IRGC: variants seen among roughly 807,000 people sequenced by gnomAD.
The protein encoded by IRGC is immunity related GTPase cinema.
A neutral mutation model predicts 16.1 loss-of-function variants in IRGC; 4 were observed. The ratio of observed to expected loss-of-function variants is 0.25; its 90% CI spans 0.12 to 0.57. The LOEUF (loss-of-function observed/expected upper bound fraction) is 0.57, where lower values mean the gene tolerates loss of function less well. Ranked by LOEUF, IRGC falls within the 20% of genes least tolerant of loss-of-function variation. The pLI, the probability that IRGC is intolerant of heterozygous loss-of-function variation, is 0.92. For missense variants in IRGC, 570 were observed against 643.9 expected (o/e 0.89, Z 1.24); for synonymous variants, 307 against 299.5 (o/e 1.03, Z -0.26).
At chr19:43,718,412 C>A in intron 1 of IRGC, 81 bp from the exon 2 acceptor site, 2 of 1,414,774 alleles carry the variant, frequency 1.4e-6, no homozygotes, top group Non-Finnish European at 1.8e-6. Context: ...CAGGGCGACT[C>A]CCTTCACATC....
Position 43,719,025 on chromosome 19 carries a change from T to A in IRGC, c.467T>A (p.Ile156Asn), listed in dbSNP as rs1190858297. 6.2e-7 allele frequency: 1 copy of A among 1,612,834 alleles called. No homozygotes were observed. The highest frequency in any genetic ancestry group is 2.2e-5 in the East Asian group (1 of 44,870). The change falls in exon 2 of 2, where the codon ATC (isoleucine) becomes AAC (asparagine). Residue 156 changes from isoleucine to asparagine, a missense_variant. Physicochemically the swap from Ile to Asn is moderately radical, Grantham distance 149. Transcript: ENST00000244314. ...GAVETRLAAE[I>N]LCQGKKFYFV... is the part of the protein sequence containing the mutation. ...GTCGAGACCCGCCTGGCCGCTGAGA[T>A]CCTGTGCCAGGGCAAGAAGTTCTAC... is the stretch of plus-strand genomic sequence containing the variant.
At position 43,719,095 on chromosome 19, in the gene IRGC, C is replaced by A; in HGVS notation, c.537C>A (p.Thr179=). Residue 179 remains threonine, a synonymous_variant, in exon 2 of 2, where the codon ACC becomes ACA. Coordinates refer to ENST00000244314, the MANE Select transcript of IRGC (RefSeq NM_019612.4). Reference sequence around the variant, plus strand: ...ACGAGGACCTGGCGGCCACGCGCACCCAGCGGCCGTCGGGCTTCAGAGAGG... The same window carrying A: ...ACGAGGACCTGGCGGCCACGCGCACACAGCGGCCGTCGGGCTTCAGAGAGG... The part of the protein sequence containing the change: ...KVDEDLAATR[T]QRPSGFREAA... 6.2e-7 allele frequency: 1 copy of A among 1,609,784 alleles called. No homozygotes were observed. The highest frequency in any genetic ancestry group is 1.1e-5 in the South Asian group (1 of 90,844).
In IRGC at chr19:43,719,103, C is replaced by A; in HGVS notation, c.545C>A (p.Pro182Gln). ...EDLAATRTQR[P>Q]SGFREAAVLQ... ...CTGGCGGCCACGCGCACCCAGCGGC[C>A]GTCGGGCTTCAGAGAGGCCGCTGTC... The change falls in exon 2 of 2, where the codon CCG (proline) becomes CAG (glutamine). Residue 182 changes from proline (P) to glutamine (Q), a missense_variant. Coordinates refer to ENST00000244314, the MANE Select transcript of IRGC (RefSeq NM_019612.4). 1.2e-6 allele frequency: 2 copies of A among 1,609,636 alleles called. No individual in the cohort carries two copies. Among genetic ancestry groups the A allele is most frequent in the Non-Finnish European group, 1.7e-6 (2 of 1,177,918 alleles).
chr19:43,718,022 T>C (rs1600175920), intron 1 of IRGC, among the ~76,000 whole-genome samples: 1 of 152,186 alleles, frequency 6.6e-6, no homozygotes, highest in Non-Finnish European at 1.5e-5. Flanking sequence ...TGAGCCATGA[T>C]CGTAGCACTG....
intron 1 of IRGC, among the ~76,000 whole-genome samples, chr19:43,718,070 C>CA (rs1374285267): frequency 1.3e-5 from 2 of 151,174 alleles, no homozygotes; most frequent in Non-Finnish European, 1.5e-5. Context: ...CTGTCTCAAA[C>CA]AAACAAACAA....
Position 43,719,641 on chromosome 19 carries a change from T to C in IRGC, c.1083T>C (p.Phe361=). Residue 361 remains phenylalanine, a synonymous_variant, in exon 2 of 2, where the codon TTT becomes TTC. Transcript: ENST00000244314. The part of the protein sequence containing the change: ...SDGAMRVARA[F]ERGIPVFGTL... ...GCGCCATGCGGGTGGCCCGCGCCTTTGAGAGGGGCATCCCTGTGTTTGGGA... is the reference window on the plus strand; with the variant it reads ...GCGCCATGCGGGTGGCCCGCGCCTTCGAGAGGGGCATCCCTGTGTTTGGGA... 6.2e-7 allele frequency: 1 copy of C among 1,607,114 alleles called. No individual in the cohort carries two copies.
chr19:43,717,802 G>C (rs1188368358), intron 1 of IRGC, among the ~76,000 whole-genome samples: 5 of 152,224 alleles, frequency 3.3e-5, no homozygotes, highest in African/African-American at 1.2e-4. Context: ...AGGCATAGTG[G>C]CTCATGCCCT....
chr19:43,717,719 T>C (rs1968192045), intron 1 of IRGC, among the ~76,000 whole-genome samples: 1 of 152,234 alleles, frequency 6.6e-6, no homozygotes. Flanking sequence ...GCCCTGGCTA[T>C]ATAATTTGCA....
rs567529535 is a variant in IRGC, at chr19:43,718,692, A to T, written c.134A>T (p.Glu45Val). Reference sequence around the variant, plus strand: ...CCCCAGGCCGCCTCTCACCTCCAGGAGCTGCTGGCCTCCACGGAAAGCATC... The same window carrying T: ...CCCCAGGCCGCCTCTCACCTCCAGGTGCTGCTGGCCTCCACGGAAAGCATC... ...DLPQAASHLQELLASTESIRL... is the reference protein window; with the variant it reads ...DLPQAASHLQVLLASTESIRL... Residue 45 changes from glutamate to valine, a missense_variant, in exon 2 of 2, where the codon GAG becomes GTG. Physicochemically the swap from Glu to Val is moderately radical, Grantham distance 121. Transcript: ENST00000244314. 1 of 1,613,574 alleles carries T rather than the reference A, an allele frequency of 6.2e-7. No homozygotes were observed. Among genetic ancestry groups the T allele is most frequent in the African/African-American group, 1.3e-5 (1 of 75,058 alleles).
Position 43,719,992 on chromosome 19 carries a change from C to A in IRGC, c.*42C>A. 1 of 1,600,904 alleles carries A rather than the reference C, an allele frequency of 6.2e-7. No homozygotes were observed. Among genetic ancestry groups the A allele is most frequent in the Non-Finnish European group, 8.5e-7 (1 of 1,174,206 alleles). ...CCCCTGCCTCACCCACAAACTAAGT[C>A]TTAACAAAATCCAAATTACCAACAA... On this transcript the variant is annotated 3_prime_UTR_variant, in exon 2 of 2. Transcript: ENST00000244314.
rs76105613 is a variant in IRGC, at chr19:43,719,843, G to A, written c.1285G>A (p.Gly429Arg). ...SDNGVEKGGSGEGGGEEAPLS... is the reference protein window; with the variant it reads ...SDNGVEKGGSREGGGEEAPLS... ...CAATGGCGTGGAAAAGGGGGGCTCC[G>A]GGGAGGGAGGTGGGGAGGAAGCCCC... Residue 429 changes from glycine (G) to arginine (R), a missense_variant, in exon 2 of 2, where the codon GGG becomes AGG. Coordinates refer to ENST00000244314, the MANE Select transcript of IRGC (RefSeq NM_019612.4). 507 of 1,614,036 alleles carry A rather than the reference G, an allele frequency of 3.1e-4. No homozygotes were observed. Among genetic ancestry groups the A allele is most frequent in the Non-Finnish European group, 3.9e-4 (466 of 1,180,010 alleles).
At position 43,719,434 on chromosome 19, in the gene IRGC, G is replaced by A. The variant is rs549975409; in HGVS notation, c.876G>A (p.Ala292=). 12 of 1,603,680 alleles carry A rather than the reference G, an allele frequency of 7.5e-6. No individual in the cohort carries two copies. The highest frequency in any genetic ancestry group is 1.0e-5 in the Non-Finnish European group (12 of 1,174,568). ...GGCTGGCGGCCGCCTACGATGATGC[G>A]TTGCTCATCCACTCACTGCGTGGCT... The part of the protein sequence containing the change: ...VPGLAAAYDD[A]LLIHSLRGYH... The change falls in exon 2 of 2, where the codon GCG becomes GCA. Residue 292 remains alanine (A), a synonymous_variant. Transcript: ENST00000244314.
rs1301309735 is a variant in IRGC, at chr19:43,719,877, C to T, written c.1319C>T (p.Thr440Ile). Reference sequence around the variant, plus strand: ...GGTGGGGAGGAAGCCCCACTCTCAACCTGCAGGAAGCTCGGCCTCCTTCTT... The same window carrying T: ...GGTGGGGAGGAAGCCCCACTCTCAATCTGCAGGAAGCTCGGCCTCCTTCTT... ...EGGGEEAPLS[T>I]CRKLGLLLKY... The change falls in exon 2 of 2, where the codon ACC becomes ATC. Residue 440 changes from threonine (T) to isoleucine (I), a missense_variant. Coordinates refer to ENST00000244314, the MANE Select transcript of IRGC (RefSeq NM_019612.4). 10 of 1,613,966 alleles carry T rather than the reference C, an allele frequency of 6.2e-6. No homozygotes were observed. Among genetic ancestry groups the T allele is most frequent in the Non-Finnish European group, 8.5e-6 (10 of 1,180,026 alleles).
At position 43,718,511 on chromosome 19, in the gene IRGC, C is replaced by A. The variant is rs1968205732; in HGVS notation, c.-48C>A. ...TCTGCAGGCGCTGAGGATCACGCAT[C>A]CTGTGACTCTCCCCTGTCCCCCGCC... On this transcript the variant is annotated 5_prime_UTR_variant, in exon 2 of 2. Transcript: ENST00000244314. 1 of 1,522,588 alleles carries A rather than the reference C, an allele frequency of 6.6e-7. No individual in the cohort carries two copies. The highest frequency in any genetic ancestry group is 8.8e-7 in the Non-Finnish European group (1 of 1,136,662). 94.3% of individuals were successfully genotyped at this position (1,522,588 alleles called of 1,614,324 possible).
rs1398081678 is a variant in IRGC, at chr19:43,719,967, C to A, written c.*17C>A. The A allele has an allele frequency of 1.2e-6, 2 of 1,611,036 alleles. No homozygotes were observed. The highest frequency in any genetic ancestry group is 2.7e-5 in the African/African-American group (2 of 74,130). On this transcript the variant is annotated 3_prime_UTR_variant, in exon 2 of 2. Transcript: ENST00000244314. ...GAGAAATAAAGAGTGCAGCCCCGCC[C>A]CCCTGCCTCACCCACAAACTAAGTC...
rs150632314 is a variant in IRGC, at chr19:43,719,674, G to A, written c.1116G>A (p.Val372=). The A allele has an allele frequency of 1.2e-5, 20 of 1,610,200 alleles. No homozygotes were observed. In the African/African-American group the frequency reaches 2.0e-4, roughly 16 times the overall value. The change falls in exon 2 of 2, where the codon GTG becomes GTA. Residue 372 remains valine, a synonymous_variant. Transcript: ENST00000244314. ...GCATCCCTGTGTTTGGGACGCTGGT[G>A]GCTGGCGGCATCAGCTTTGGCGCTG... ...ERGIPVFGTL[V]AGGISFGAVY... is the part of the protein sequence containing the mutation.
At position 43,719,277 on chromosome 19, in the gene IRGC, G is replaced by A. The variant is rs749644485; in HGVS notation, c.719G>A (p.Arg240Gln). 65 of 1,608,438 alleles carry A rather than the reference G, an allele frequency of 4.0e-5. No individual in the cohort carries two copies. Among genetic ancestry groups the A allele is most frequent in the East Asian group, 2.2e-5 (1 of 44,756 alleles). The part of the protein sequence containing the change: ...STWEHDLPSH[R>Q]RHAGLLSLPD... ...TGGGAGCACGACCTGCCCTCCCACC[G>A]GCGCCACGCTGGCCTGCTGTCGCTC... The change falls in exon 2 of 2, where the codon CGG (arginine) becomes CAG (glutamine). Residue 240 changes from arginine to glutamine, a missense_variant. Transcript: ENST00000244314.
intron 1 of IRGC, among the ~76,000 whole-genome samples, chr19:43,717,813 T>C (rs927306579): frequency 6.6e-6 from 1 of 152,226 alleles, no homozygotes; most frequent in East Asian, 1.9e-4. Flanking sequence ...CTCATGCCCT[T>C]AATCCCAGCG....
At position 43,718,605 on chromosome 19, in the gene IRGC, C is replaced by A. The variant is rs1314916413; in HGVS notation, c.47C>A (p.Thr16Asn). The change falls in exon 2 of 2, where the codon ACC (threonine) becomes AAC (asparagine). Residue 16 changes from threonine to asparagine, a missense_variant. Transcript: ENST00000244314. ...LPVVPGEEEN[T>N]ILMAKERLEA... is the part of the protein sequence containing the mutation. ...GTGGTGCCTGGGGAGGAGGAAAACACCATCCTTATGGCCAAGGAAAGGCTG... is the reference window on the plus strand; with the variant it reads ...GTGGTGCCTGGGGAGGAGGAAAACAACATCCTTATGGCCAAGGAAAGGCTG... 27 of 1,607,922 alleles carry A rather than the reference C, an allele frequency of 1.7e-5. No homozygotes were observed. The highest frequency in any genetic ancestry group is 2.3e-5 in the Non-Finnish European group (27 of 1,176,778).
Sources: allele counts gnomAD v4.1 joint callset (sites outside exome capture counted in the v4.1 genomes callset), GRCh38; gene constraint gnomAD v4.1.1; transcripts MANE v1.5; gene names NCBI Gene and HGNC (gene_info 2026-07-23, HGNC 2026-07-21).